Variants in RASEF observed in about 807,000 individuals in gnomAD.
RASEF encodes RAS and EF-hand domain containing.
In RASEF, 68 loss-of-function variants were observed where a neutral mutation model predicts 90.1. The ratio of observed to expected loss-of-function variants is 0.75; its 90% CI spans 0.62 to 0.92. The LOEUF (loss-of-function observed/expected upper bound fraction) is 0.92, where lower values mean the gene tolerates loss of function less well. Among genes scored for constraint, RASEF ranks in the 40% least tolerant of loss-of-function variants. The pLI is 0.00. For missense variants in RASEF, 949 were observed against 937.2 expected (o/e 1.01, Z -0.16); for synonymous variants, 331 against 345.2 (o/e 0.96, Z 0.46).
chr9:83,037,311 C>CAA (rs200394060), intron 1 of RASEF, among the ~76,000 whole-genome samples: 34 of 145,196 alleles, frequency 2.3e-4, no homozygotes, highest in African/African-American at 3.3e-4. Flanking sequence ...TGAGATGCTT[C>CAA]AAAAAAAAAA....
Position 83,012,475 on chromosome 9 carries a change from C to T in RASEF, c.802G>A (p.Asp268Asn). Residue 268 changes from aspartate to asparagine, a missense_variant, in exon 5 of 17, where the codon GAT becomes AAT. Coordinates refer to ENST00000376447, the MANE Select transcript of RASEF (RefSeq NM_152573.4). ...EQSKRVSQKE[D>N]VAALKKQIYD... Reference sequence around the variant, plus strand: ...ATTTGTTTTTTCAATGCAGCCACATCTTCCTTTTGACTTACGCGTTTTGAT... The same window carrying T: ...ATTTGTTTTTTCAATGCAGCCACATTTTCCTTTTGACTTACGCGTTTTGAT... 1.2e-5 allele frequency: 19 copies of T among 1,591,692 alleles called. No homozygotes were observed. Among genetic ancestry groups the T allele is most frequent in the Non-Finnish European group, 1.5e-5 (18 of 1,169,896 alleles).
At chr9:83,060,129 C>A (rs1170620035) in intron 1 of RASEF, among the ~76,000 whole-genome samples, 2 of 152,048 alleles carry the variant, frequency 1.3e-5, no homozygotes, top group East Asian at 3.9e-4. Context: ...CCCAGGATAG[C>A]CCTGGGGCAG....
At chr9:83,001,638 A>C (rs2118449911) in intron 9 of RASEF, among the ~76,000 whole-genome samples, 1 of 152,322 alleles carries the variant, frequency 6.6e-6, no homozygotes, top group South Asian at 2.1e-4. Flanking sequence ...TACTCAACTT[A>C]ACTCTTAATG....
At chr9:83,158,847 C>T in the RASEF span, among the ~76,000 whole-genome samples, 2 of 150,432 alleles carry the variant, frequency 1.3e-5, no homozygotes, top group Admixed American at 1.3e-4. Context: ...CACACACTCA[C>T]CTGGGGTAGG....
At position 82,993,025 on chromosome 9, in the gene RASEF, C is replaced by T. The variant is rs199920640; in HGVS notation, c.1921G>A (p.Asp641Asn). Residue 641 changes from aspartate to asparagine, a missense_variant and splice_region_variant, in exon 15 of 17, where the codon GAT (aspartate) becomes AAT (asparagine). Physicochemically the swap from Asp to Asn is conservative, Grantham distance 23. This residue lies in a region of RASEF where 288 missense variants were observed against 328.4 expected (regional missense o/e 0.88). Transcript: ENST00000376447. The stretch of plus-strand genomic sequence containing the variant: ...ATGGGAACAGTCTCATGGGCTGCAT[C>T]CTACCAGGAAGAAAAAAAAAATGGG... ...NIREWVDMIE[D>N]AAHETVPIML... 5.0e-6 allele frequency: 8 copies of T among 1,611,762 alleles called. No individual in the cohort carries two copies. The South Asian group carries it at 8.8e-5, about 18-fold the overall frequency.
At chr9:83,081,082 A>G in the RASEF span, among the ~76,000 whole-genome samples, 1 of 152,130 alleles carries the variant, frequency 6.6e-6, no homozygotes, top group Admixed American at 6.6e-5. Context: ...CATGCCCACG[A>G]TGATCCTCAG....
At chr9:83,023,789 C>T (rs1829486042) in intron 2 of RASEF, among the ~76,000 whole-genome samples, 1 of 152,168 alleles carries the variant, frequency 6.6e-6, no homozygotes, top group Admixed American at 6.5e-5. Context: ...TCCTTTCTCC[C>T]TCTGTTATGA....
the RASEF span, among the ~76,000 whole-genome samples, chr9:83,210,023 G>T: frequency 6.6e-6 from 1 of 152,150 alleles, no homozygotes; most frequent in African/African-American, 2.4e-5. Flanking sequence ...ATGTATTTAT[G>T]CACTTTGACA....
intron 15 of RASEF, among the ~76,000 whole-genome samples, chr9:82,991,547 A>C (rs1326272042): frequency 1.3e-5 from 2 of 152,164 alleles, no homozygotes; most frequent in African/African-American, 4.8e-5. Flanking sequence ...TAGAACAGGG[A>C]GAATGAGAAA....
At chr9:83,091,409 G>A in the RASEF span, among the ~76,000 whole-genome samples, 3 of 152,064 alleles carry the variant, frequency 2.0e-5, no homozygotes, top group East Asian at 1.9e-4. Flanking sequence ...CAAAAAATTA[G>A]CCAGGCATGG....
chr9:83,146,106 C>G, the RASEF span, among the ~76,000 whole-genome samples: 2 of 150,410 alleles, frequency 1.3e-5, no homozygotes, highest in Non-Finnish European at 3.0e-5. Flanking sequence ...CCTTGGAGAC[C>G]CATCTAGTTG....
intron 7 of RASEF, among the ~76,000 whole-genome samples, chr9:83,006,641 T>C (rs1502685): frequency 0.49 from 74,115 of 151,860 alleles, 18,321 homozygotes; most frequent in East Asian, 0.73. Context: ...AGGATGGAAC[T>C]GCTATAACCT....
At chr9:83,147,002 G>A in the RASEF span, among the ~76,000 whole-genome samples, 39 of 119,494 alleles carry the variant, frequency 3.3e-4, no homozygotes, top group African/African-American at 9.1e-4. Flanking sequence ...ATGTGTGTGC[G>A]TGTGTATATG....
At chr9:83,127,726 G>T in the RASEF span, among the ~76,000 whole-genome samples, 89 of 152,316 alleles carry the variant, frequency 5.8e-4, 1 homozygote, top group South Asian at 0.018. Flanking sequence ...GCAATCCTTT[G>T]TCTGCTAGGA....
chr9:83,198,800 G>C, the RASEF span, among the ~76,000 whole-genome samples: 1 of 146,108 alleles, frequency 6.8e-6, no homozygotes, highest in Non-Finnish European at 1.5e-5. Flanking sequence ...GCAGCTTTCT[G>C]TTCCCAGGCA....
chr9:83,021,612 A>G (rs968868149), intron 3 of RASEF, among the ~76,000 whole-genome samples: 1 of 152,230 alleles, frequency 6.6e-6, no homozygotes, highest in African/African-American at 2.4e-5. Context: ...TTCAACCACT[A>G]AAGACCGAAA....
At position 83,000,234 on chromosome 9, in the gene RASEF, C is replaced by A; in HGVS notation, c.1658G>T (p.Gly553Val). 1 of 1,614,022 alleles carries A rather than the reference C, an allele frequency of 6.2e-7. No individual in the cohort carries two copies. Among genetic ancestry groups the A allele is most frequent in the Non-Finnish European group, 8.5e-7 (1 of 1,179,960 alleles). ...AAGTCTCATGAGGAAACTAGACTTC[C>A]CCACTGCAGCGTCCCCAGCAAGTAC... ...KIVLAGDAAV[G>V]KSSFLMRLCK... The change falls in exon 12 of 17, where the codon GGG becomes GTG. Residue 553 changes from glycine to valine, a missense_variant. This residue lies in a region of RASEF where 288 missense variants were observed against 328.4 expected (regional missense o/e 0.88). Coordinates refer to ENST00000376447, the MANE Select transcript of RASEF (RefSeq NM_152573.4).
the RASEF span, among the ~76,000 whole-genome samples, chr9:83,161,733 C>G: frequency 6.6e-6 from 1 of 151,732 alleles, no homozygotes; most frequent in Non-Finnish European, 1.5e-5. Flanking sequence ...TCATGTTAAA[C>G]TATAACTCTG....
intron 3 of RASEF, among the ~76,000 whole-genome samples, chr9:83,017,487 G>A (rs920844083): frequency 1.4e-5 from 2 of 142,668 alleles, no homozygotes; most frequent in Non-Finnish European, 3.1e-5. Flanking sequence ...GCGACAGAGC[G>A]AGACTCTGTC....
Sources: allele counts gnomAD v4.1 joint callset (sites outside exome capture counted in the v4.1 genomes callset), GRCh38; gene constraint gnomAD v4.1.1; regional missense constraint gnomAD v4.1.1; transcripts MANE v1.5; gene names NCBI Gene and HGNC (gene_info 2026-07-23, HGNC 2026-07-21).